The following GPC5 variants were observed in gnomAD, a reference collection of about 807,000 sequenced individuals.
GPC5 encodes glypican-5.
GPC5 carries 47 observed loss-of-function variants against 53.9 expected under a neutral mutation model. That is an observed-to-expected ratio of 0.87 (90% CI 0.69 to 1.11). The LOEUF (loss-of-function observed/expected upper bound fraction) is 1.11, where lower values mean the gene tolerates loss of function less well. Among genes scored for constraint, GPC5 ranks in the 50% most tolerant of loss-of-function variants. GPC5 has a pLI of 0.00. For missense variants in GPC5, 748 were observed against 713.1 expected, an observed-to-expected ratio of 1.05 and a Z score of -0.56; for synonymous variants, 286 against 263.3, an observed-to-expected ratio of 1.09 and a Z score of -0.84.
intron 7 of GPC5, among the ~76,000 whole-genome samples, chr13:92,576,211 T>C (rs1479842644): frequency 1.3e-5 from 2 of 152,192 alleles, no homozygotes; most frequent in African/African-American, 4.8e-5. Context: ...ATAAATGTGT[T>C]TTATGAAAAG....
intron 7 of GPC5, among the ~76,000 whole-genome samples, chr13:92,554,351 T>C (rs1393944529): frequency 6.6e-6 from 1 of 151,906 alleles, no homozygotes; most frequent in East Asian, 1.9e-4. Context: ...TGAAGCATAC[T>C]GATTCTCAAT....
intron 7 of GPC5, among the ~76,000 whole-genome samples, chr13:92,639,119 G>T (rs1280735836): frequency 2.6e-5 from 4 of 152,042 alleles, no homozygotes; most frequent in Non-Finnish European, 4.4e-5. Flanking sequence ...TTAGTAAAGG[G>T]CTCAGAAATT....
intron 7 of GPC5, among the ~76,000 whole-genome samples, chr13:92,224,755 T>C (rs775605571): frequency 6.6e-6 from 1 of 152,216 alleles, no homozygotes; most frequent in Non-Finnish European, 1.5e-5. Context: ...TTCACACATG[T>C]TGTCCAAATT....
chr13:92,197,890 C>T (rs988891962), intron 7 of GPC5, among the ~76,000 whole-genome samples: 1 of 152,034 alleles, frequency 6.6e-6, no homozygotes, highest in African/African-American at 2.4e-5. Flanking sequence ...CTACTTCCAC[C>T]TCTACCACTC....
intron 7 of GPC5, among the ~76,000 whole-genome samples, chr13:92,165,525 G>C (rs1555315819): frequency 6.6e-6 from 1 of 152,152 alleles, no homozygotes; most frequent in Non-Finnish European, 1.5e-5. Context: ...GAGAATGAGA[G>C]ATGTGGAGCA....
chr13:91,899,186 C>G (rs965004008), intron 5 of GPC5, among the ~76,000 whole-genome samples: 2 of 152,106 alleles, frequency 1.3e-5, no homozygotes, highest in Non-Finnish European at 2.9e-5. Flanking sequence ...GAGAACAAAT[C>G]ATTTTTGAAG....
At chr13:92,787,667 C>CAAAAAAAAAAAAAAAAAAAAAAA (rs71202562) in intron 7 of GPC5, among the ~76,000 whole-genome samples, 13 of 56,206 alleles carry the variant, frequency 2.3e-4, no homozygotes, top group African/African-American at 8.6e-4. Context: ...CTCATAGCTA[C>CAAAAAAAAAAAAAAAAAAAAAAA]AAAAAAAAAA....
intron 7 of GPC5, among the ~76,000 whole-genome samples, chr13:92,865,999 CACTT>C (rs1346354715): frequency 2.0e-5 from 3 of 152,194 alleles, no homozygotes. Context: ...TAAATGTCTT[CACTT>C]ACTTACCAGT....
intron 3 of GPC5, among the ~76,000 whole-genome samples, chr13:91,700,410 T>C (rs187038752): frequency 9.6e-4 from 146 of 152,354 alleles, no homozygotes; most frequent in African/African-American, 3.2e-3. Flanking sequence ...CACAGTTATT[T>C]ACTTTTACAT....
intron 7 of GPC5, among the ~76,000 whole-genome samples, chr13:92,193,043 C>T (rs1054894586): frequency 6.6e-6 from 1 of 151,948 alleles, no homozygotes; most frequent in Non-Finnish European, 1.5e-5. Context: ...GGTGTGTTGG[C>T]GAGTGCCTGT....
chr13:92,604,416 C>A (rs1884184641), intron 7 of GPC5, among the ~76,000 whole-genome samples: 1 of 152,112 alleles, frequency 6.6e-6, no homozygotes, highest in African/African-American at 2.4e-5. Context: ...AGATAATAAG[C>A]AGTCTTTGTG....
intron 2 of GPC5, among the ~76,000 whole-genome samples, chr13:91,556,648 G>A (rs2030973462): frequency 6.6e-6 from 1 of 150,980 alleles, no homozygotes; most frequent in Non-Finnish European, 1.5e-5. Context: ...CCATAAAAAG[G>A]AACAAAATGA....
intron 7 of GPC5, among the ~76,000 whole-genome samples, chr13:92,552,449 TTAAAA>T (rs1343983703): frequency 6.6e-6 from 1 of 151,804 alleles, no homozygotes; most frequent in African/African-American, 2.4e-5. Context: ...AGCAAGAAAA[TTAAAA>T]TAAAACTAAG....
chr13:91,565,368 A>C lies in GPC5; in HGVS notation c.325+116446A>C, dbSNP rs537181442. 8.5e-5 allele frequency among the ~76,000 whole-genome samples: 13 copies of C among 152,298 alleles called. No homozygotes were observed. The South Asian group carries it at 2.7e-3, about 32-fold the overall frequency. The stretch of plus-strand genomic sequence containing the variant: ...AGTTGTTAGAAAAAATTTGGAGTTT[A>C]TACTGCTTAAGCAATGCACAGTTGT... On this transcript the variant is annotated intron_variant, in intron 2 of 7. Coordinates refer to ENST00000377067, the MANE Select transcript of GPC5 (RefSeq NM_004466.6).
At chr13:92,253,198 T>C (rs1594039093) in intron 7 of GPC5, among the ~76,000 whole-genome samples, 1 of 152,096 alleles carries the variant, frequency 6.6e-6, no homozygotes, top group Non-Finnish European at 1.5e-5. Flanking sequence ...TGTAGTAATT[T>C]ATGTGGACTG....
At chr13:92,629,142 G>C (rs1444744991) in intron 7 of GPC5, among the ~76,000 whole-genome samples, 1 of 152,166 alleles carries the variant, frequency 6.6e-6, no homozygotes, top group African/African-American at 2.4e-5. Context: ...AGTTTCTTCT[G>C]AAAGTACCCT....
chr13:91,761,556 A>G (rs1157117783), intron 5 of GPC5, among the ~76,000 whole-genome samples: 1 of 152,074 alleles, frequency 6.6e-6, no homozygotes, highest in South Asian at 2.1e-4. Context: ...GGTTTCTACA[A>G]CCCCCTCTTT....
chr13:92,489,439 G>A (rs1181420993), intron 7 of GPC5, among the ~76,000 whole-genome samples: 4 of 152,128 alleles, frequency 2.6e-5, no homozygotes, highest in African/African-American at 9.7e-5. Context: ...GATGAGACAC[G>A]TGGAGAAGAA....
At chr13:92,181,854 G>A (rs2042149169) in intron 7 of GPC5, among the ~76,000 whole-genome samples, 1 of 152,210 alleles carries the variant, frequency 6.6e-6, no homozygotes, top group African/African-American at 2.4e-5. Context: ...AAAATGGAAA[G>A]ATGCTGTCCT....
Sources: gnomAD v4.1 joint callset for allele counts (sites outside exome capture counted in the v4.1 genomes callset) on GRCh38, gnomAD v4.1.1 for gene constraint, MANE v1.5 for transcripts, NCBI Gene and HGNC (gene_info 2026-07-23, HGNC 2026-07-21) for gene names.